METTL15: variants seen among roughly 807,000 people sequenced by gnomAD.
METTL15 encodes 12S rRNA N(4)-cytidine methyltransferase METTL15.
In METTL15, 34 loss-of-function variants were observed where a neutral mutation model predicts 38.3. The ratio of observed to expected loss-of-function variants is 0.89; its 90% CI spans 0.68 to 1.18. METTL15 has a LOEUF of 1.18. Ranked by LOEUF, METTL15 falls within the 50% of genes most tolerant of loss-of-function variation. METTL15 has a pLI of 0.00. For missense variants in METTL15, 438 were observed against 498.4 expected (o/e 0.88, Z 1.15); for synonymous variants, 162 against 170.9 (o/e 0.95, Z 0.41).
At chr11:28,421,536 G>A (rs1850820283) in intron 5 of METTL15, among the ~76,000 whole-genome samples, 1 of 152,042 alleles carries the variant, frequency 6.6e-6, no homozygotes, top group African/African-American at 2.4e-5. Context: ...TTATCCCAGA[G>A]ATGCAAAAAT....
At chr11:28,501,585 C>A (rs1851582923) in intron 6 of METTL15, among the ~76,000 whole-genome samples, 1 of 152,110 alleles carries the variant, frequency 6.6e-6, no homozygotes, top group South Asian at 2.1e-4. Flanking sequence ...GCGCTTTCAG[C>A]ATCATCTACA....
chr11:28,221,368 G>T (rs754241291), intron 4 of METTL15, among the ~76,000 whole-genome samples: 1 of 152,204 alleles, frequency 6.6e-6, no homozygotes, highest in Admixed American at 6.5e-5. Flanking sequence ...ACTGAAGCTT[G>T]TGCATTCGTT....
At chr11:28,407,401 G>T (rs1223808516) in intron 5 of METTL15, among the ~76,000 whole-genome samples, 1 of 152,130 alleles carries the variant, frequency 6.6e-6, no homozygotes, top group Non-Finnish European at 1.5e-5. Flanking sequence ...GAAAATTTTT[G>T]CAATTTATCC....
At chr11:28,194,169 T>TTTCTTTCTTTCTTTCTTTCTTTCTTTCC (rs1851814596) in intron 3 of METTL15, among the ~76,000 whole-genome samples, 1 of 77,310 alleles carries the variant, frequency 1.3e-5, no homozygotes, top group African/African-American at 5.3e-5. Flanking sequence ...TCTTTCTTTC[T>TTTCTTTCTTTCTTTCTTTCTTTCTTTCC]TTCTTTTTCT....
At chr11:28,344,669 T>C (rs1257975291) in intron 3 of METTL15, among the ~76,000 whole-genome samples, 1 of 152,206 alleles carries the variant, frequency 6.6e-6, no homozygotes, top group African/African-American at 2.4e-5. Flanking sequence ...CTCAATTTTG[T>C]CATCAATTAA....
At chr11:28,449,196 T>C (rs1450036192) in intron 6 of METTL15, among the ~76,000 whole-genome samples, 2 of 152,216 alleles carry the variant, frequency 1.3e-5, no homozygotes, top group Non-Finnish European at 2.9e-5. Flanking sequence ...AAGTTTTGCA[T>C]GCCCAGGAGG....
At chr11:28,222,245 A>G (rs896232644) in intron 4 of METTL15, among the ~76,000 whole-genome samples, 7 of 152,180 alleles carry the variant, frequency 4.6e-5, no homozygotes, top group African/African-American at 1.7e-4. Context: ...CTGAAGCCTC[A>G]GCAATGGCGG....
intron 3 of METTL15, among the ~76,000 whole-genome samples, chr11:28,146,753 C>T (rs1849900830): frequency 6.6e-6 from 1 of 151,734 alleles, no homozygotes. Flanking sequence ...TCAATAATAG[C>T]CCACTATCCA....
At chr11:28,481,071 T>G (rs966468943) in intron 6 of METTL15, among the ~76,000 whole-genome samples, 16 of 152,226 alleles carry the variant, frequency 1.1e-4, no homozygotes, top group African/African-American at 3.9e-4. Context: ...AATTTCAATC[T>G]ACTTGAAAAT....
rs556227415 is a variant in METTL15 at position 28,508,003 on chromosome 11, C to T, written c.*425-18475C>T. ...CAGCCCATTATAAAAGATCTGAAATCCTCATCATGTCCCCTAAAGTGACAC... is the reference window on the plus strand; with the variant it reads ...CAGCCCATTATAAAAGATCTGAAATTCTCATCATGTCCCCTAAAGTGACAC... On this transcript the variant is annotated intron_variant and NMD_transcript_variant, in intron 6 of 7. Transcript: ENST00000532947. Among the ~76,000 whole-genome samples, 20 of 152,300 alleles carry T rather than the reference C, an allele frequency of 1.3e-4. No individual in the cohort carries two copies. In the South Asian group the frequency reaches 4.1e-3, roughly 32 times the overall value.
chr11:28,463,316 C>T (rs1362373617), intron 6 of METTL15, among the ~76,000 whole-genome samples: 1 of 152,006 alleles, frequency 6.6e-6, no homozygotes, highest in Non-Finnish European at 1.5e-5. Flanking sequence ...TCAAAAGGAC[C>T]TCTGCATGTC....
chr11:28,129,960 G>A (rs1852686612), intron 3 of METTL15, among the ~76,000 whole-genome samples: 1 of 151,990 alleles, frequency 6.6e-6, no homozygotes, highest in South Asian at 2.1e-4. Context: ...TATAATTGAT[G>A]GAGAAAAAGC....
intron 6 of METTL15, among the ~76,000 whole-genome samples, chr11:28,311,505 T>C (rs1333759731): frequency 6.6e-6 from 1 of 152,198 alleles, no homozygotes; most frequent in East Asian, 1.9e-4. Flanking sequence ...TGTGAGCTCT[T>C]CAAGGATAGA....
chr11:28,305,315 A>G (rs529604883), intron 6 of METTL15, among the ~76,000 whole-genome samples: 2 of 152,280 alleles, frequency 1.3e-5, no homozygotes, highest in African/African-American at 4.8e-5. Context: ...GCAACTGACT[A>G]ATTAGCCCAA....
At chr11:28,393,790 C>G (rs772232781) in intron 5 of METTL15, among the ~76,000 whole-genome samples, 6 of 152,014 alleles carry the variant, frequency 3.9e-5, no homozygotes, top group Non-Finnish European at 7.4e-5. Context: ...TAGGAAGAGA[C>G]TATATACGGA....
intron 3 of METTL15, among the ~76,000 whole-genome samples, chr11:28,194,264 T>A (rs569482296): frequency 6.6e-6 from 1 of 151,324 alleles, no homozygotes; most frequent in African/African-American, 2.4e-5. Flanking sequence ...AATGGTGCGA[T>A]CTCAGCTCAC....
At chr11:28,415,126 T>C (rs1253743985) in intron 5 of METTL15, among the ~76,000 whole-genome samples, 1 of 152,134 alleles carries the variant, frequency 6.6e-6, no homozygotes, top group East Asian at 1.9e-4. Context: ...GTAGGGTGAG[T>C]ATGACATAAT....
At chr11:28,143,696 A>G (rs1011419259) in intron 3 of METTL15, among the ~76,000 whole-genome samples, 1 of 152,220 alleles carries the variant, frequency 6.6e-6, no homozygotes, top group African/African-American at 2.4e-5. Context: ...AGTTATGGGA[A>G]CAAAGACGCA....
intron 4 of METTL15, among the ~76,000 whole-genome samples, chr11:28,233,373 A>C (rs1853774152): frequency 6.6e-6 from 1 of 152,106 alleles, no homozygotes; most frequent in Non-Finnish European, 1.5e-5. Flanking sequence ...TTTCTTGTAT[A>C]AATGATTACA....
Sources: gnomAD v4.1 joint callset for allele counts (sites outside exome capture counted in the v4.1 genomes callset) on GRCh38, gnomAD v4.1.1 for gene constraint, MANE v1.5 for transcripts, NCBI Gene and HGNC (gene_info 2026-07-23, HGNC 2026-07-21) for gene names.